The following FARS2 variants were observed in gnomAD, a reference collection of about 807,000 sequenced individuals.
The protein encoded by FARS2 is phenylalanyl-tRNA synthetase 2, mitochondrial.
FARS2 carries 40 observed loss-of-function variants against 46.4 expected under a neutral mutation model. The ratio of observed to expected loss-of-function variants is 0.86; its 90% CI spans 0.67 to 1.12. The LOEUF (loss-of-function observed/expected upper bound fraction) is 1.12, where lower values mean the gene tolerates loss of function less well. FARS2 is among the 50% of genes most tolerant of loss of function. The pLI is 0.00. For missense variants in FARS2, 513 were observed against 567.9 expected, an observed-to-expected ratio of 0.90 and a Z score of 0.98; for synonymous variants, 234 against 214.9, an observed-to-expected ratio of 1.09 and a Z score of -0.78.
chr6:5,417,308 C>G (rs1762294432), intron 3 of FARS2, among the ~76,000 whole-genome samples: 1 of 152,232 alleles, frequency 6.6e-6, no homozygotes, highest in Admixed American at 6.5e-5. Context: ...CCTCCAAGTC[C>G]TGGGCTCAAA....
chr6:5,521,726 G>C (rs964105747), intron 4 of FARS2, among the ~76,000 whole-genome samples: 1 of 150,898 alleles, frequency 6.6e-6, no homozygotes, highest in Non-Finnish European at 1.5e-5. Flanking sequence ...ATGGTGATAC[G>C]ACCTCCCTGG....
intron 4 of FARS2, among the ~76,000 whole-genome samples, chr6:5,505,643 C>G (rs760789786): frequency 6.6e-6 from 1 of 152,152 alleles, no homozygotes; most frequent in Admixed American, 6.6e-5. Context: ...TTTGGGGTCC[C>G]TGACTTCCCG....
chr6:5,643,798 G>A (rs968766932), intron 6 of FARS2, among the ~76,000 whole-genome samples: 3 of 152,104 alleles, frequency 2.0e-5, no homozygotes, highest in African/African-American at 7.2e-5. Context: ...GAGACACTAG[G>A]GCCTGGAAAA....
intron 1 of FARS2, among the ~76,000 whole-genome samples, chr6:5,300,571 T>C (rs76605003): frequency 0.011 from 1,668 of 152,292 alleles, 15 homozygotes; most frequent in South Asian, 0.047. Flanking sequence ...GTGACAGGTG[T>C]CTGTGTGGAG....
At chr6:5,723,876 A>C (rs2150924705) in intron 6 of FARS2, among the ~76,000 whole-genome samples, 1 of 152,346 alleles carries the variant, frequency 6.6e-6, no homozygotes, top group South Asian at 2.1e-4. Flanking sequence ...AATGAATTTT[A>C]GAAGCGGCCA....
rs146812471 is a variant in FARS2, at chr6:5,728,146, AG to A, written c.1218-43142del. On this transcript the variant is annotated intron_variant, in intron 6 of 6. Transcript: ENST00000274680. ...TGTCTGCCTCCTTTGTTCATCTCAA[AG>A]GGTAGCCAGGGTTTCCGATCACAGG... Among the ~76,000 whole-genome samples, 804 of 152,318 alleles carry A rather than the reference AG, an allele frequency of 5.3e-3. 10 individuals carry two copies. The highest frequency in any genetic ancestry group is 0.018 in the African/African-American group (767 of 41,562).
intron 2 of FARS2, among the ~76,000 whole-genome samples, chr6:5,375,653 G>T (rs967893435): frequency 2.0e-5 from 3 of 152,036 alleles, no homozygotes; most frequent in Non-Finnish European, 4.4e-5. Context: ...TAATTGGGTA[G>T]AGAACATTGC....
At chr6:5,365,548 T>C (rs558183259) in intron 1 of FARS2, among the ~76,000 whole-genome samples, 1 of 147,358 alleles carries the variant, frequency 6.8e-6, no homozygotes, top group African/African-American at 2.5e-5. Context: ...GATAGGGTCT[T>C]GTCATGTTGC....
chr6:5,663,657 A>G (rs1011542389), intron 6 of FARS2, among the ~76,000 whole-genome samples: 1 of 152,222 alleles, frequency 6.6e-6, no homozygotes, highest in African/African-American at 2.4e-5. Context: ...GTTGGTGTGG[A>G]AGAAGGGGTG....
At chr6:5,451,080 A>G (rs1368107646) in intron 4 of FARS2, among the ~76,000 whole-genome samples, 8 of 152,256 alleles carry the variant, frequency 5.3e-5, no homozygotes, top group African/African-American at 1.7e-4. Context: ...ATTCCTATGT[A>G]TGCACACATA....
chr6:5,539,408 T>TATATATATATATA (rs68137910), intron 4 of FARS2, among the ~76,000 whole-genome samples: 3 of 93,950 alleles, frequency 3.2e-5, no homozygotes, highest in African/African-American at 7.9e-5. Context: ...ATGTATATAT[T>TATATATATATATA]TTTTTAGTAG....
intron 4 of FARS2, among the ~76,000 whole-genome samples, chr6:5,520,324 C>T (rs1420844487): frequency 6.6e-6 from 1 of 152,154 alleles, no homozygotes; most frequent in Non-Finnish European, 1.5e-5. Context: ...TGGAGTCTCA[C>T]TCTTGCTGGG....
intron 5 of FARS2, among the ~76,000 whole-genome samples, chr6:5,597,175 C>G (rs755953404): frequency 2.2e-4 from 34 of 152,186 alleles, no homozygotes; most frequent in Non-Finnish European, 4.0e-4. Context: ...TGGCATTTGA[C>G]CCAACAGATG....
chr6:5,420,091 A>AAG (rs1762461044), intron 3 of FARS2, among the ~76,000 whole-genome samples: 1 of 152,224 alleles, frequency 6.6e-6, no homozygotes, highest in Non-Finnish European at 1.5e-5. Context: ...CAGGCAAGAA[A>AAG]AGAGAGCTTG....
At chr6:5,390,264 C>T (rs1260645381) in intron 2 of FARS2, among the ~76,000 whole-genome samples, 4 of 152,152 alleles carry the variant, frequency 2.6e-5, no homozygotes, top group African/African-American at 7.2e-5. Flanking sequence ...GGCCAGTTTC[C>T]AAGCCCATGC....
chr6:5,420,227 A>C (rs1762467463), intron 3 of FARS2, among the ~76,000 whole-genome samples: 1 of 152,156 alleles, frequency 6.6e-6, no homozygotes, highest in African/African-American at 2.4e-5. Flanking sequence ...CCCACAACAC[A>C]TGGGAATTCA....
At chr6:5,571,995 C>A (rs1471308204) in intron 5 of FARS2, among the ~76,000 whole-genome samples, 2 of 152,216 alleles carry the variant, frequency 1.3e-5, no homozygotes, top group African/African-American at 4.8e-5. Context: ...TTTCTGCCAG[C>A]CTAGTTAGTC....
At chr6:5,575,799 T>C (rs1285735397) in intron 5 of FARS2, among the ~76,000 whole-genome samples, 1 of 152,234 alleles carries the variant, frequency 6.6e-6, no homozygotes, top group Non-Finnish European at 1.5e-5. Context: ...TTCATCTGAA[T>C]TGGCAGAACC....
intron 4 of FARS2, among the ~76,000 whole-genome samples, chr6:5,477,971 G>C (rs1418599019): frequency 6.6e-6 from 1 of 152,180 alleles, no homozygotes; most frequent in East Asian, 1.9e-4. Context: ...AGTGAGCCAT[G>C]ATTGCACCAC....
Sources: gnomAD v4.1 joint callset for allele counts (sites outside exome capture counted in the v4.1 genomes callset) on GRCh38, gnomAD v4.1.1 for gene constraint, MANE v1.5 for transcripts, NCBI Gene and HGNC (gene_info 2026-07-23, HGNC 2026-07-21) for gene names.